The following JAKMIP3 variants were observed in gnomAD, a reference collection of about 807,000 sequenced individuals.
The protein encoded by JAKMIP3 is Janus kinase and microtubule interacting protein 3.
Under a neutral mutation model 118.5 loss-of-function variants are expected in JAKMIP3, and 58 were observed. The ratio of observed to expected loss-of-function variants is 0.49; its 90% CI spans 0.40 to 0.61. The LOEUF is 0.61. Ranked by LOEUF, JAKMIP3 falls within the 20% of genes least tolerant of loss-of-function variation. JAKMIP3 has a pLI of 0.00. For missense variants in JAKMIP3, 950 were observed against 1,109.0 expected (o/e 0.86, Z 2.04); for synonymous variants, 486 against 451.2 (o/e 1.08, Z -0.98).
chr10:132,156,759 C>T (rs1464102213), intron 19 of JAKMIP3, among the ~76,000 whole-genome samples: 3 of 152,058 alleles, frequency 2.0e-5, no homozygotes, highest in African/African-American at 7.2e-5. Flanking sequence ...AGGTGCTTTG[C>T]GGGTGATGCA....
intron 4 of JAKMIP3, 74 bp downstream of exon 4, chr10:132,133,601 A>G: frequency 1.5e-6 from 2 of 1,341,338 alleles, no homozygotes; most frequent in Non-Finnish European, 2.1e-6. Flanking sequence ...ATGGCCCTGC[A>G]TGGGCCACTC....
intron 1 of JAKMIP3, among the ~76,000 whole-genome samples, chr10:132,080,873 T>A (rs2041678369): frequency 6.6e-6 from 1 of 152,160 alleles, no homozygotes; most frequent in African/African-American, 2.4e-5. Flanking sequence ...TGAGATAGGA[T>A]TTGCAAATAT....
At chr10:132,093,159 T>A (rs1269407035) in intron 1 of JAKMIP3, among the ~76,000 whole-genome samples, 2 of 152,208 alleles carry the variant, frequency 1.3e-5, no homozygotes, top group Non-Finnish European at 2.9e-5. Context: ...CCCGGCCGTG[T>A]GAGGTGTCAG....
Position 132,142,054 on chromosome 10 carries a change from C to T in JAKMIP3, c.1602+6C>T, listed in dbSNP as rs372813882. ...ACGCAGAGCGAGAAGTTAAGGTCTACGTGACTTCCACCGCGCGTTCCGGCC... is the reference window on the plus strand; with the variant it reads ...ACGCAGAGCGAGAAGTTAAGGTCTATGTGACTTCCACCGCGCGTTCCGGCC... On this transcript the variant is annotated splice_donor_region_variant and intron_variant, in intron 11 of 23. Coordinates refer to ENST00000684848, the MANE Select transcript of JAKMIP3 (RefSeq NM_001323087.2). The T allele has an allele frequency of 7.2e-4, 1,120 of 1,546,858 alleles. No homozygotes were observed. The highest frequency in any genetic ancestry group is 8.2e-4 in the Non-Finnish European group (948 of 1,151,840).
intron 5 of JAKMIP3, 99 bp downstream of exon 5, chr10:132,135,259 G>A (rs1046035433): frequency 9.5e-5 from 120 of 1,267,412 alleles, no homozygotes; most frequent in Non-Finnish European, 1.2e-4. Context: ...GTAAAGGAGT[G>A]GTGGTTGCAA....
intron 20 of JAKMIP3, among the ~76,000 whole-genome samples, chr10:132,163,660 C>T (rs185220831): frequency 8.5e-5 from 13 of 152,310 alleles, no homozygotes; most frequent in South Asian, 2.1e-4. Flanking sequence ...AGAATGGCCA[C>T]GCCCCCTGCT....
chr10:132,110,777 G>A (rs1228246790), intron 2 of JAKMIP3, among the ~76,000 whole-genome samples: 1 of 152,218 alleles, frequency 6.6e-6, no homozygotes, highest in African/African-American at 2.4e-5. Flanking sequence ...AGATGGGACC[G>A]TTCCCAGTGA....
At chr10:132,172,981 CT>C (rs1368923751) in intron 23 of JAKMIP3, among the ~76,000 whole-genome samples, 3 of 72,952 alleles carry the variant, frequency 4.1e-5, no homozygotes, top group East Asian at 2.3e-3. Context: ...CTCTCCTTCC[CT>C]CTCTCTCTCT....
chr10:132,135,032 T>G lies in JAKMIP3; in HGVS notation c.850-9T>G. The G allele has an allele frequency of 6.2e-7, 1 of 1,612,308 alleles. No individual in the cohort carries two copies. Among genetic ancestry groups the G allele is most frequent in the Non-Finnish European group, 8.5e-7 (1 of 1,178,410 alleles). ...AGGAACCGTTATTTGCAGTTGATTT[T>G]TGTTTTAGGAACAGCAGTTGGATGA... On this transcript the variant is annotated splice_polypyrimidine_tract_variant and intron_variant, in intron 4 of 23. Transcript: ENST00000684848.
Position 132,049,104 on chromosome 10 carries a change from AG to A in JAKMIP3, c.-138+12367del. On this transcript the variant is annotated intron_variant, in intron 1 of 23. Coordinates refer to the JAKMIP3 transcript ENST00000657785. The surrounding 1 kb of genome is among the most constrained non-coding windows in gnomAD (Gnocchi z 4.3). The stretch of plus-strand genomic sequence containing the variant: ...AAGTTAATTGACCTTTTTGCCTGGA[AG>A]CCTTGAGGATTTTATCTTTAGCTCT... Among the ~76,000 whole-genome samples the A allele has an allele frequency of 6.6e-6, 1 of 152,064 alleles. No individual in the cohort carries two copies. The highest frequency in any genetic ancestry group is 1.5e-5 in the Non-Finnish European group (1 of 68,010).
At chr10:132,051,178 G>T (rs1044352167) in intron 1 of JAKMIP3, among the ~76,000 whole-genome samples, 1 of 150,020 alleles carries the variant, frequency 6.7e-6, no homozygotes, top group African/African-American at 2.5e-5. Flanking sequence ...CAGCCATTCT[G>T]GTGGGTGGGT....
At chr10:132,040,091 G>T (rs978296325) in intron 1 of JAKMIP3, among the ~76,000 whole-genome samples, 2 of 152,186 alleles carry the variant, frequency 1.3e-5, no homozygotes, top group Non-Finnish European at 2.9e-5. Flanking sequence ...CACAGGTTGC[G>T]CTCTGACCCC....
intron 2 of JAKMIP3, among the ~76,000 whole-genome samples, chr10:132,107,446 C>T (rs1564906146): frequency 1.3e-5 from 2 of 152,172 alleles, no homozygotes; most frequent in African/African-American, 2.4e-5. Context: ...GGGCACCCTG[C>T]GGGGCATGTT....
rs1040537546 is a variant in JAKMIP3 at position 132,074,198 on chromosome 10, T to A, written c.-138+8137T>A. ...TCCTGAATAGCTAGGATTACAGGCA[T>A]GTGCCACCATGCCCAGCTAATTTTT... is the stretch of plus-strand genomic sequence containing the variant. On this transcript the variant is annotated intron_variant, in intron 1 of 23. Transcript: ENST00000684848. Among the ~76,000 whole-genome samples the A allele has an allele frequency of 2.6e-5, 4 of 152,288 alleles. No individual in the cohort carries two copies. The East Asian group carries it at 7.7e-4, about 29-fold the overall frequency.
chr10:132,180,887 A>G (rs2061355036), intron 23 of JAKMIP3, among the ~76,000 whole-genome samples: 2 of 151,198 alleles, frequency 1.3e-5, no homozygotes, highest in East Asian at 1.9e-4. Flanking sequence ...ATGTGCATGT[A>G]TGTGTATGTG....
At chr10:132,077,840 C>G (rs2134127023) in intron 1 of JAKMIP3, among the ~76,000 whole-genome samples, 1 of 152,088 alleles carries the variant, frequency 6.6e-6, no homozygotes, top group African/African-American at 2.4e-5. Context: ...GAGATGGAGT[C>G]TCACTCTGTC....
At position 132,136,971 on chromosome 10, in the gene JAKMIP3, A is replaced by G; in HGVS notation, c.1117-48A>G. 1.9e-6 allele frequency: 3 copies of G among 1,595,632 alleles called. No individual in the cohort carries two copies. In the South Asian group the frequency reaches 3.4e-5, roughly 18 times the overall value. ...CCCCGCCGACCCACTGTGTTCAGCC[A>G]GACCCCTTCACTCCCCAACTTGTGA... On this transcript the variant is annotated intron_variant, in intron 6 of 23. Coordinates refer to ENST00000684848, the MANE Select transcript of JAKMIP3 (RefSeq NM_001323087.2).
At position 132,107,087 on chromosome 10, in the gene JAKMIP3, G is replaced by C. The variant is rs1023921462; in HGVS notation, c.135+2144G>C. 4.0e-5 allele frequency among the ~76,000 whole-genome samples: 6 copies of C among 150,234 alleles called. No homozygotes were observed. In the East Asian group the frequency reaches 1.2e-3, roughly 29 times the overall value. ...TTTTTAACTTTTTTGTAGAGACTGG[G>C]TCTCGCCATTTTGCCCGGGCTGGTC... is the stretch of plus-strand genomic sequence containing the variant. On this transcript the variant is annotated intron_variant, in intron 2 of 23. Transcript: ENST00000684848.
intron 21 of JAKMIP3, among the ~76,000 whole-genome samples, chr10:132,165,743 C>T (rs918053958): frequency 3.9e-5 from 6 of 152,236 alleles, no homozygotes; most frequent in South Asian, 2.1e-4. Flanking sequence ...AGCCCTGCCC[C>T]GCCCCTCGTA....
Sources: gnomAD v4.1 joint callset for allele counts (sites outside exome capture counted in the v4.1 genomes callset) on GRCh38, gnomAD v4.1.1 for gene constraint, Gnocchi (gnomAD v3.1) non-coding constraint, MANE v1.5 for transcripts, NCBI Gene and HGNC (gene_info 2026-07-23, HGNC 2026-07-21) for gene names.